LHFPL6: variants seen among roughly 807,000 people sequenced by gnomAD.
The protein encoded by LHFPL6 is LHFPL tetraspan subfamily member 6.
Under a neutral mutation model 20.6 loss-of-function variants are expected in LHFPL6, and 9 were observed. The ratio of observed to expected loss-of-function variants is 0.44; its 90% CI spans 0.26 to 0.76. The LOEUF (loss-of-function observed/expected upper bound fraction) is 0.76, where lower values mean the gene tolerates loss of function less well. LHFPL6 is among the 30% of genes least tolerant of loss of function. The pLI is 0.20. For synonymous variants in LHFPL6, 105 were observed against 98.7 expected (o/e 1.06, Z -0.38); for missense variants, 218 against 253.5 (o/e 0.86, Z 0.95).
At chr13:39,427,166 T>C (rs9548764) in intron 2 of LHFPL6, among the ~76,000 whole-genome samples, 26,966 of 151,902 alleles carry the variant, frequency 0.18, 2,501 homozygotes, top group East Asian at 0.34. Context: ...AATTCATCTA[T>C]TAGTTCAAGA....
intron 2 of LHFPL6, among the ~76,000 whole-genome samples, chr13:39,539,077 G>A (rs1870715010): frequency 6.6e-6 from 1 of 152,152 alleles, no homozygotes; most frequent in Non-Finnish European, 1.5e-5. Flanking sequence ...TAAACACAGA[G>A]GGACTCACAG....
At chr13:39,465,794 C>T (rs1198186526) in intron 2 of LHFPL6, among the ~76,000 whole-genome samples, 1 of 152,074 alleles carries the variant, frequency 6.6e-6, no homozygotes, top group Non-Finnish European at 1.5e-5. Context: ...TTTGAATGAA[C>T]ATGAAGAAAA....
At chr13:39,344,319 C>CA (rs1409353128) in intron 3 of LHFPL6, among the ~76,000 whole-genome samples, 2 of 151,990 alleles carry the variant, frequency 1.3e-5, no homozygotes, top group African/African-American at 4.8e-5. Flanking sequence ...ACACCCTGGC[C>CA]AAAAATAGAG....
At chr13:39,582,074 A>C (rs891839794) in intron 2 of LHFPL6, among the ~76,000 whole-genome samples, 25 of 152,284 alleles carry the variant, frequency 1.6e-4, no homozygotes, top group African/African-American at 5.8e-4. Flanking sequence ...GTCCCTGCAG[A>C]ACTTGAACCA....
intron 2 of LHFPL6, among the ~76,000 whole-genome samples, chr13:39,502,134 G>A (rs776793492): frequency 2.6e-5 from 4 of 152,232 alleles, no homozygotes; most frequent in Non-Finnish European, 5.9e-5. Flanking sequence ...TGTTTGCTGT[G>A]TGTGTCACAG....
intron 2 of LHFPL6, among the ~76,000 whole-genome samples, chr13:39,495,651 T>C (rs1260832837): frequency 6.6e-6 from 1 of 151,924 alleles, no homozygotes; most frequent in East Asian, 1.9e-4. Context: ...TGAAACATTA[T>C]AGATTCCTAG....
intron 2 of LHFPL6, among the ~76,000 whole-genome samples, chr13:39,446,750 C>T (rs1437534604): frequency 6.6e-6 from 1 of 152,130 alleles, no homozygotes; most frequent in Non-Finnish European, 1.5e-5. Context: ...CGTCCAATAG[C>T]AAACTTCACG....
chr13:39,576,780 T>G lies in LHFPL6; in HGVS notation c.385+24052A>C, dbSNP rs949475522. 4.6e-5 allele frequency among the ~76,000 whole-genome samples: 7 copies of G among 150,560 alleles called. No individual in the cohort carries two copies. In the Admixed American group the frequency reaches 4.7e-4, roughly 10 times the overall value. On this transcript the variant is annotated intron_variant, in intron 2 of 3. Coordinates refer to ENST00000379589, the MANE Select transcript of LHFPL6 (RefSeq NM_005780.3). The stretch of plus-strand genomic sequence containing the variant: ...TCCTGAGTAGCTAGGACTACAGGCA[T>G]GCACCATCATGCCCAGCCAATTTAA...
At chr13:39,366,666 A>G (rs1444207618) in intron 3 of LHFPL6, among the ~76,000 whole-genome samples, 3 of 152,236 alleles carry the variant, frequency 2.0e-5, no homozygotes, top group Admixed American at 6.5e-5. Flanking sequence ...CTCCTGGATC[A>G]GAGACAAAGG....
At chr13:39,451,155 C>T (rs1455673903) in intron 2 of LHFPL6, among the ~76,000 whole-genome samples, 1 of 141,562 alleles carries the variant, frequency 7.1e-6, no homozygotes, top group Non-Finnish European at 1.5e-5. Context: ...TTCTCCCAGT[C>T]ATGAGATCCA....
chr13:39,396,292 C>A (rs1025613374), intron 2 of LHFPL6, among the ~76,000 whole-genome samples: 6 of 152,104 alleles, frequency 3.9e-5, no homozygotes, highest in Non-Finnish European at 7.3e-5. Flanking sequence ...GGTTCAGCTC[C>A]TCCATAATTT....
chr13:39,352,088 C>A (rs956493229), intron 3 of LHFPL6, among the ~76,000 whole-genome samples: 3 of 152,208 alleles, frequency 2.0e-5, no homozygotes, highest in Non-Finnish European at 4.4e-5. Flanking sequence ...GACTTGACAG[C>A]CCCAATTCCT....
intron 2 of LHFPL6, among the ~76,000 whole-genome samples, chr13:39,486,301 A>AT (rs770873068): frequency 6.6e-6 from 1 of 152,042 alleles, no homozygotes; most frequent in Non-Finnish European, 1.5e-5. Flanking sequence ...TTTTCATGTC[A>AT]TTTTTTTATT....
intron 2 of LHFPL6, among the ~76,000 whole-genome samples, chr13:39,595,771 A>G (rs1872753575): frequency 6.6e-6 from 1 of 152,188 alleles, no homozygotes; most frequent in African/African-American, 2.4e-5. Context: ...CTTCTTCCCC[A>G]AAGGTGCTGA....
intron 3 of LHFPL6, among the ~76,000 whole-genome samples, chr13:39,371,580 T>A (rs957965541): frequency 1.3e-5 from 2 of 152,202 alleles, no homozygotes; most frequent in Non-Finnish European, 2.9e-5. Context: ...TAAATAAAAA[T>A]CAGCATTATT....
At chr13:39,391,107 A>G (rs1870698941) in intron 2 of LHFPL6, among the ~76,000 whole-genome samples, 1 of 152,228 alleles carries the variant, frequency 6.6e-6, no homozygotes, top group Admixed American at 6.5e-5. Context: ...TCATGCCTTG[A>G]TATAGCACAT....
chr13:39,599,303 T>C (rs1383434512), intron 2 of LHFPL6, among the ~76,000 whole-genome samples: 2 of 152,234 alleles, frequency 1.3e-5, no homozygotes, highest in Admixed American at 6.5e-5. Flanking sequence ...AGACCAACTT[T>C]ATTCTTACAG....
intron 2 of LHFPL6, among the ~76,000 whole-genome samples, chr13:39,387,034 A>G (rs1870582642): frequency 6.6e-6 from 1 of 152,020 alleles, no homozygotes; most frequent in Non-Finnish European, 1.5e-5. Flanking sequence ...ATTTTGATGC[A>G]CTCTCTACCC....
intron 3 of LHFPL6, among the ~76,000 whole-genome samples, chr13:39,374,399 G>A (rs1292152385): frequency 6.6e-6 from 1 of 152,008 alleles, no homozygotes; most frequent in Non-Finnish European, 1.5e-5. Flanking sequence ...GGACGGAGGG[G>A]GCAAGGGTTG....
Sources: allele counts gnomAD v4.1 joint callset (sites outside exome capture counted in the v4.1 genomes callset), GRCh38; gene constraint gnomAD v4.1.1; transcripts MANE v1.5; gene names NCBI Gene and HGNC (gene_info 2026-07-23, HGNC 2026-07-21).